Variants in FHDC1 observed in about 807,000 individuals in gnomAD.
The protein encoded by FHDC1 is FH2 domain-containing protein 1.
Under a neutral mutation model 52.6 loss-of-function variants are expected in FHDC1, and 25 were observed. That is an observed-to-expected ratio of 0.48 (90% CI 0.35 to 0.66). The LOEUF is 0.66. FHDC1 is among the 30% of genes least tolerant of loss of function. FHDC1 has a pLI of 0.01. For missense variants in FHDC1, 1,459 were observed against 1,452.8 expected, an observed-to-expected ratio of 1.00 and a Z score of -0.07; for synonymous variants, 616 against 581.5, an observed-to-expected ratio of 1.06 and a Z score of -0.85.
chr4:152,953,595 AT>A, intron 3 of FHDC1, 35 bp downstream of exon 3: 1 of 1,553,398 alleles, frequency 6.4e-7, no homozygotes, highest in African/African-American at 1.4e-5. Flanking sequence ...CTTTAGTCAT[AT>A]CCCTGCTGTC....
Position 152,976,046 on chromosome 4 carries a change from C to A in FHDC1, c.2755C>A (p.Arg919=). Residue 919 remains arginine, a synonymous_variant, in exon 12 of 12, where the codon CGA becomes AGA. Transcript: ENST00000511601. ...TKSSRGAGWR[R]PELSSRGPSQ... is the part of the protein sequence containing the mutation. ...GTCCAGCAGAGGCGCCGGCTGGAGG[C>A]GACCAGAGCTGTCATCCCGGGGGCC... 6.3e-7 allele frequency: 1 copy of A among 1,577,960 alleles called. No homozygotes were observed. Among genetic ancestry groups the A allele is most frequent in the Non-Finnish European group, 8.6e-7 (1 of 1,165,596 alleles).
intron 4 of FHDC1, among the ~76,000 whole-genome samples, chr4:152,959,373 G>A (rs1483395372): frequency 2.6e-5 from 4 of 152,138 alleles, no homozygotes; most frequent in Non-Finnish European, 4.4e-5. Flanking sequence ...TCACCTATTT[G>A]CTTTTTGGCT....
upstream of FHDC1, among the ~76,000 whole-genome samples, chr4:152,931,893 C>T (rs530500098): frequency 5.0e-5 from 7 of 140,104 alleles, no homozygotes; most frequent in East Asian, 4.2e-4. Flanking sequence ...GCAGTAACTA[C>T]GCCACTGTAC....
At chr4:152,937,855 A>C (rs1225234087) in intron 1 of FHDC1, among the ~76,000 whole-genome samples, 1 of 152,072 alleles carries the variant, frequency 6.6e-6, no homozygotes, top group Admixed American at 6.5e-5. Context: ...TTCGCGGCCC[A>C]GCCGGTGGCG....
At position 152,968,113 on chromosome 4, in the gene FHDC1, A is replaced by G. The variant is rs6535885; in HGVS notation, c.1218+16A>G. The G allele has an allele frequency of 0.18, 290,168 of 1,591,848 alleles. 27,911 individuals are homozygous for G. Among genetic ancestry groups the G allele is most frequent in the African/African-American group, 0.2 (15,214 of 74,514 alleles). On this transcript the variant is annotated intron_variant, in intron 10 of 11. Coordinates refer to ENST00000511601, the MANE Select transcript of FHDC1 (RefSeq NM_001371116.1). ...TTTTCTTCAGGTTTGTAGGTGACTC[A>G]AGTCAGTCCCTCTAATCTCATCTCC... is the stretch of plus-strand genomic sequence containing the variant.
chr4:152,964,993 G>A lies in FHDC1; in HGVS notation c.1100+18G>A. The A allele has an allele frequency of 6.3e-7, 1 of 1,590,208 alleles. No individual in the cohort carries two copies. Among genetic ancestry groups the A allele is most frequent in the Non-Finnish European group, 8.6e-7 (1 of 1,168,838 alleles). On this transcript the variant is annotated intron_variant, in intron 9 of 11. Transcript: ENST00000511601. ...ACTGCTAGGTGAGCAAGTGAATTGT[G>A]AGAATTCAAGATTCTTTACCTTTTT... is the stretch of plus-strand genomic sequence containing the variant.
intron 2 of FHDC1, among the ~76,000 whole-genome samples, chr4:152,945,254 A>G (rs900163689): frequency 6.6e-6 from 1 of 152,242 alleles, no homozygotes; most frequent in African/African-American, 2.4e-5. Flanking sequence ...TGATAGAAGC[A>G]GAGATGTCCA....
chr4:152,923,301 G>A, the FHDC1 span, among the ~76,000 whole-genome samples: 81 of 152,248 alleles, frequency 5.3e-4, no homozygotes, highest in Non-Finnish European at 9.0e-4. Context: ...CAACTTACAA[G>A]GGACGTGAAG....
intron 2 of FHDC1, among the ~76,000 whole-genome samples, chr4:152,952,977 C>T (rs1002791587): frequency 6.6e-6 from 1 of 151,952 alleles, no homozygotes; most frequent in African/African-American, 2.4e-5. Flanking sequence ...ACAAAACATA[C>T]AAAATTTAGC....
intron 9 of FHDC1, among the ~76,000 whole-genome samples, chr4:152,965,346 T>G (rs1740425822): frequency 6.6e-6 from 1 of 152,220 alleles, no homozygotes; most frequent in African/African-American, 2.4e-5. Flanking sequence ...CACTGTTTCC[T>G]TGTAGAATCT....
intron 2 of FHDC1, among the ~76,000 whole-genome samples, chr4:152,946,790 T>C (rs1428372245): frequency 1.3e-5 from 2 of 152,244 alleles, no homozygotes; most frequent in Non-Finnish European, 2.9e-5. Flanking sequence ...CCCGACATTA[T>C]GTGATTGGCT....
At chr4:152,960,480 G>T in intron 4 of FHDC1, 85 bp from the exon 5 acceptor site, 4 of 1,143,686 alleles carry the variant, frequency 3.5e-6, no homozygotes, top group South Asian at 1.5e-5. Flanking sequence ...TATTTTTTTA[G>T]AAGAATTGGA....
At chr4:152,963,161 G>T (rs765062035) in intron 8 of FHDC1, 31 bp downstream of exon 8, 9 of 1,576,620 alleles carry the variant, frequency 5.7e-6, no homozygotes, top group Non-Finnish European at 7.8e-6. Context: ...CTTAGAGAAC[G>T]CATATGAATA....
At chr4:152,927,272 T>A in the FHDC1 span, among the ~76,000 whole-genome samples, 147,531 of 152,230 alleles carry the variant, frequency 0.97, 71,657 homozygotes, top group East Asian at 1. Context: ...AGCCATAAAG[T>A]AAGCTCAAGC....
At chr4:152,912,441 T>C in the FHDC1 span, 49 of 152,316 alleles carry the variant, frequency 3.2e-4, no homozygotes, top group Non-Finnish European at 5.3e-4. Context: ...TTTACATCTT[T>C]GCACTTTTAC....
intron 2 of FHDC1, among the ~76,000 whole-genome samples, chr4:152,950,441 G>A (rs189846313): frequency 4.8e-4 from 73 of 152,300 alleles, no homozygotes; most frequent in African/African-American, 1.6e-3. Flanking sequence ...AATGTTGTTT[G>A]GGTGAAGTGC....
chr4:152,974,698 G>A lies in FHDC1; in HGVS notation c.1407G>A (p.Gln469=), dbSNP rs749738748. 3 of 1,511,268 alleles carry A rather than the reference G, an allele frequency of 2.0e-6. No homozygotes were observed. The highest frequency in any genetic ancestry group is 4.6e-5 in the East Asian group (2 of 43,864). 93.6% of individuals were successfully genotyped at this position (1,511,268 alleles called of 1,614,324 possible). A position where few individuals can be genotyped will look rare whatever the true frequency, so the allele number is the denominator to read the frequency against. The change falls in exon 12 of 12, where the codon CAG becomes CAA. Residue 469 remains glutamine (Q), a synonymous_variant. Transcript: ENST00000511601. ...AGGACAACCACGACCGGGAGGCGCAGGAGCTGAGGCAGCTGCAGAGGCTGA... is the reference window on the plus strand; with the variant it reads ...AGGACAACCACGACCGGGAGGCGCAAGAGCTGAGGCAGCTGCAGAGGCTGA... ...AVKDNHDREA[Q]ELRQLQRLKE...
intron 4 of FHDC1, among the ~76,000 whole-genome samples, chr4:152,960,267 C>T (rs2149951201): frequency 6.6e-6 from 1 of 152,184 alleles, no homozygotes; most frequent in East Asian, 1.9e-4. Flanking sequence ...TTAGTCCCTC[C>T]CTTTTGTAAC....
upstream of FHDC1, among the ~76,000 whole-genome samples, chr4:152,931,745 C>G (rs56004333): frequency 1.3e-5 from 2 of 151,900 alleles, no homozygotes; most frequent in African/African-American, 2.4e-5. Flanking sequence ...GAAGCATTTT[C>G]TATTTTAAAC....
Sources: allele counts gnomAD v4.1 joint callset (sites outside exome capture counted in the v4.1 genomes callset), GRCh38; gene constraint gnomAD v4.1.1; transcripts MANE v1.5; gene names NCBI Gene and HGNC (gene_info 2026-07-23, HGNC 2026-07-21).